SCFD2: variants seen among roughly 807,000 people sequenced by gnomAD.
SCFD2 encodes the protein sec1 family domain-containing protein 2.
In SCFD2, 54 loss-of-function variants were observed where a neutral mutation model predicts 58.9. The ratio of observed to expected loss-of-function variants is 0.92; its 90% CI spans 0.74 to 1.15. SCFD2 has a LOEUF of 1.15. Ranked by LOEUF, SCFD2 falls within the 50% of genes most tolerant of loss-of-function variation. The pLI, the probability that SCFD2 is intolerant of heterozygous loss-of-function variation, is 0.00. For synonymous variants in SCFD2, 321 were observed against 335.9 expected (o/e 0.96, Z 0.49); for missense variants, 805 against 836.6 (o/e 0.96, Z 0.47).
In SCFD2 at chr4:53,044,058, C is replaced by T. The variant is rs567635208; in HGVS notation, c.1561+101275G>A. Among the ~76,000 whole-genome samples the T allele has an allele frequency of 2.6e-5, 4 of 152,262 alleles. No homozygotes were observed. In the South Asian group the frequency reaches 8.3e-4, roughly 32 times the overall value. On this transcript the variant is annotated intron_variant, in intron 5 of 8. Transcript: ENST00000401642. ...AGTAGACAGCTGCCAGCTGTCACCC[C>T]ATTGGCATCCTCCTTAGCTTTTGAG...
At chr4:53,333,259 A>T (rs1300063307) in intron 2 of SCFD2, among the ~76,000 whole-genome samples, 1 of 148,986 alleles carries the variant, frequency 6.7e-6, no homozygotes, top group African/African-American at 2.5e-5. Context: ...TTTAAAGTTC[A>T]TATGGAACCA....
At chr4:53,178,188 G>A (rs769609598) in intron 4 of SCFD2, among the ~76,000 whole-genome samples, 1 of 152,166 alleles carries the variant, frequency 6.6e-6, no homozygotes, top group Non-Finnish European at 1.5e-5. Context: ...CCTGAGAACA[G>A]GCAGACGGCC....
chr4:53,271,317 A>G (rs1379093355), intron 4 of SCFD2, among the ~76,000 whole-genome samples: 8 of 147,670 alleles, frequency 5.4e-5, no homozygotes, highest in East Asian at 2.0e-4. Flanking sequence ...ACACACACGC[A>G]CACACACACA....
intron 5 of SCFD2, among the ~76,000 whole-genome samples, chr4:53,023,018 C>T (rs1722385934): frequency 6.6e-6 from 1 of 152,128 alleles, no homozygotes; most frequent in South Asian, 2.1e-4. Flanking sequence ...CCACATTAAA[C>T]CTCTTTAGTG....
chr4:52,881,449 T>G (rs562588003), intron 8 of SCFD2, among the ~76,000 whole-genome samples: 2 of 152,240 alleles, frequency 1.3e-5, no homozygotes, highest in Non-Finnish European at 2.9e-5. Context: ...TGTCAGTTAC[T>G]ACCCAGTAGA....
chr4:53,204,512 C>A (rs1728349472), intron 4 of SCFD2, among the ~76,000 whole-genome samples: 2 of 148,912 alleles, frequency 1.3e-5, no homozygotes, highest in African/African-American at 2.5e-5. Flanking sequence ...GACTATCTCC[C>A]AGAGGAAGAA....
rs139577084 is a variant in SCFD2, at chr4:53,114,501, A to G, written c.1561+30832T>C. ...TTGTTTTCCTCCCAGCCTGTACTCA[A>G]TCCAGCCCAAAAGCCAGAAATTTGA... On this transcript the variant is annotated intron_variant, in intron 5 of 8. Coordinates refer to ENST00000401642, the MANE Select transcript of SCFD2 (RefSeq NM_152540.4). Among the ~76,000 whole-genome samples, 8 of 152,244 alleles carry G rather than the reference A, an allele frequency of 5.3e-5. No homozygotes were observed. The East Asian group carries it at 1.5e-3, about 29-fold the overall frequency.
At chr4:53,259,572 G>C (rs1265652817) in intron 4 of SCFD2, among the ~76,000 whole-genome samples, 1 of 152,158 alleles carries the variant, frequency 6.6e-6, no homozygotes, top group African/African-American at 2.4e-5. Flanking sequence ...CTGTTCCACT[G>C]GTCTATGTGC....
intron 5 of SCFD2, among the ~76,000 whole-genome samples, chr4:53,029,166 G>A (rs1722554198): frequency 6.6e-6 from 1 of 152,080 alleles, no homozygotes; most frequent in African/African-American, 2.4e-5. Flanking sequence ...AAATTATTCT[G>A]TAATTTCACA....
intron 5 of SCFD2, among the ~76,000 whole-genome samples, chr4:53,007,764 A>G (rs1722010905): frequency 6.6e-6 from 1 of 152,226 alleles, no homozygotes; most frequent in African/African-American, 2.4e-5. Flanking sequence ...CTCACTAGCC[A>G]TCCTTCCTAC....
At chr4:53,235,145 C>T (rs1181002639) in intron 4 of SCFD2, among the ~76,000 whole-genome samples, 8 of 152,224 alleles carry the variant, frequency 5.3e-5, no homozygotes, top group Non-Finnish European at 1.2e-4. Flanking sequence ...GCCCACATCA[C>T]ATCTACATAG....
intron 7 of SCFD2, among the ~76,000 whole-genome samples, chr4:52,899,966 T>A (rs1560474774): frequency 6.6e-6 from 1 of 152,242 alleles, no homozygotes; most frequent in Non-Finnish European, 1.5e-5. Flanking sequence ...TGTGCATTCG[T>A]CACGTAGTTC....
chr4:53,291,048 C>G (rs1560430628), intron 3 of SCFD2, among the ~76,000 whole-genome samples: 1 of 151,924 alleles, frequency 6.6e-6, no homozygotes, highest in Non-Finnish European at 1.5e-5. Flanking sequence ...CCTCTTAAGC[C>G]CACACAAAAA....
intron 5 of SCFD2, among the ~76,000 whole-genome samples, chr4:52,989,399 G>T (rs1158858836): frequency 2.0e-5 from 3 of 152,140 alleles, no homozygotes; most frequent in African/African-American, 7.2e-5. Flanking sequence ...CTTCAGTTTT[G>T]TCTCTATTCA....
chr4:53,300,114 T>C (rs546988144), intron 3 of SCFD2, among the ~76,000 whole-genome samples: 13 of 152,282 alleles, frequency 8.5e-5, no homozygotes, highest in African/African-American at 2.9e-4. Flanking sequence ...ACCTTAAATG[T>C]AAATGGGCTA....
chr4:53,355,025 G>C (rs1172629571), intron 1 of SCFD2, among the ~76,000 whole-genome samples: 1 of 152,116 alleles, frequency 6.6e-6, no homozygotes, highest in Admixed American at 6.5e-5. Flanking sequence ...AAGTTACCGG[G>C]ACCAGAAAAT....
chr4:52,934,299 C>A (rs771759456), intron 5 of SCFD2, among the ~76,000 whole-genome samples: 1 of 152,160 alleles, frequency 6.6e-6, no homozygotes, highest in African/African-American at 2.4e-5. Flanking sequence ...TGTTGCCCCC[C>A]AAGTTGCCAC....
At position 53,214,164 on chromosome 4, in the gene SCFD2, T is replaced by A. The variant is rs568431408; in HGVS notation, c.1311+59662A>T. Reference sequence around the variant, plus strand: ...AGCATGATATATACTCCTTTGGGTATATACCCAGTAATGGGATGGCTAGGT... The same window carrying A: ...AGCATGATATATACTCCTTTGGGTAAATACCCAGTAATGGGATGGCTAGGT... On this transcript the variant is annotated intron_variant, in intron 4 of 8. Transcript: ENST00000401642. Among the ~76,000 whole-genome samples the A allele has an allele frequency of 2.4e-3, 365 of 152,290 alleles. 4 individuals carry two copies. The highest frequency in any genetic ancestry group is 8.1e-3 in the African/African-American group (337 of 41,514).
chr4:52,984,814 G>A (rs1208047864), intron 5 of SCFD2, among the ~76,000 whole-genome samples: 1 of 152,214 alleles, frequency 6.6e-6, no homozygotes, highest in Non-Finnish European at 1.5e-5. Flanking sequence ...CTCATGGGCT[G>A]TCTTCAACTT....
Sources: gnomAD v4.1 joint callset for allele counts (sites outside exome capture counted in the v4.1 genomes callset) on GRCh38, gnomAD v4.1.1 for gene constraint, MANE v1.5 for transcripts, NCBI Gene and HGNC (gene_info 2026-07-23, HGNC 2026-07-21) for gene names.